Variants in SAE1 observed in about 807,000 individuals in gnomAD.
SAE1 encodes the protein SUMO1 activating enzyme subunit 1.
A neutral mutation model predicts 40.6 loss-of-function variants in SAE1; 11 were observed. The observed-to-expected ratio is 0.27, with a 90% CI of 0.17 to 0.45. SAE1 has a LOEUF of 0.45. Ranked by LOEUF, SAE1 falls within the 20% of genes least tolerant of loss-of-function variation. SAE1 has a pLI of 1.00. For missense variants in SAE1, 373 were observed against 427.3 expected (o/e 0.87, Z 1.12); for synonymous variants, 155 against 154.3 (o/e 1.00, Z -0.03).
At chr19:47,180,362 G>A (rs1395081713) in intron 6 of SAE1, 3 of 411,568 alleles carry the variant, frequency 7.3e-6, no homozygotes, top group African/African-American at 4.2e-5. Flanking sequence ...GAATGATAGG[G>A]GCATGTCAAA....
rs373880137 is a variant in SAE1, at chr19:47,147,319, A to G, written c.211-2883A>G. On this transcript the variant is annotated intron_variant, in intron 2 of 8. Transcript: ENST00000270225. ...CTTCCTGGGCTCAGGGTATTCTCCC[A>G]CTTAAGCCTCCCAGTAGTTGGGACT... Among the ~76,000 whole-genome samples the G allele has an allele frequency of 7.6e-4, 105 of 138,686 alleles. 2 individuals carry two copies. The highest frequency in any genetic ancestry group is 2.6e-3 in the African/African-American group (98 of 37,204). The allele number at this position is 138,686 out of a possible 152,430, so 91.0% of individuals were successfully genotyped here.
intron 5 of SAE1, among the ~76,000 whole-genome samples, chr19:47,157,832 A>T (rs1239732769): frequency 2.0e-5 from 3 of 152,164 alleles, no homozygotes; most frequent in Non-Finnish European, 4.4e-5. Context: ...CATTCAGTGC[A>T]TTCCTGCTGA....
chr19:47,194,049 C>T (rs533670292), intron 6 of SAE1, among the ~76,000 whole-genome samples: 2 of 152,112 alleles, frequency 1.3e-5, no homozygotes, highest in East Asian at 3.9e-4. Flanking sequence ...ACTTTATAAC[C>T]CATTTCTGAA....
At chr19:47,149,389 T>C (rs889937726) in intron 2 of SAE1, among the ~76,000 whole-genome samples, 3 of 151,710 alleles carry the variant, frequency 2.0e-5, no homozygotes, top group African/African-American at 7.3e-5. Context: ...CAGGTTGGTC[T>C]CAAACTCCTG....
At chr19:47,183,400 C>T (rs1372726362) in intron 6 of SAE1, among the ~76,000 whole-genome samples, 2 of 152,160 alleles carry the variant, frequency 1.3e-5, no homozygotes, top group Non-Finnish European at 2.9e-5. Context: ...CTGTCATCCC[C>T]AGGGCCTTGT....
chr19:47,206,046 A>C (rs557181681), intron 8 of SAE1, among the ~76,000 whole-genome samples: 1 of 152,122 alleles, frequency 6.6e-6, no homozygotes, highest in African/African-American at 2.4e-5. Context: ...TAAATTTTTC[A>C]TGTGGGATGG....
At chr19:47,205,876 C>G (rs1481554744) in intron 8 of SAE1, among the ~76,000 whole-genome samples, 2 of 152,192 alleles carry the variant, frequency 1.3e-5, no homozygotes, top group Non-Finnish European at 2.9e-5. Context: ...GATGTGGGCC[C>G]AGGCAGTCTG....
At chr19:47,167,615 T>C (rs2123246831) in intron 5 of SAE1, among the ~76,000 whole-genome samples, 1 of 152,284 alleles carries the variant, frequency 6.6e-6, no homozygotes. Flanking sequence ...AACTGATAGA[T>C]CTTGGTTCAC....
chr19:47,153,766 C>T (rs1485464846), intron 4 of SAE1, among the ~76,000 whole-genome samples: 1 of 152,068 alleles, frequency 6.6e-6, no homozygotes, highest in African/African-American at 2.4e-5. Flanking sequence ...TTAGGATAAT[C>T]TAGTTCTTTG....
At chr19:47,171,788 A>G (rs1445925878) in intron 6 of SAE1, among the ~76,000 whole-genome samples, 1 of 144,032 alleles carries the variant, frequency 6.9e-6, no homozygotes, top group Admixed American at 6.9e-5. Flanking sequence ...ATTTTAGTAG[A>G]GACAGGGTTT....
At chr19:47,182,505 GCACGCGCGCGCGCACACCACTGCCTTAT>G (rs2058515511) in intron 6 of SAE1, among the ~76,000 whole-genome samples, 1 of 147,936 alleles carries the variant, frequency 6.8e-6, no homozygotes, top group Non-Finnish European at 1.5e-5. Flanking sequence ...GTGCGCGCAC[GCACGCGCGCGCGCACACCACTGCCTTAT>G]CAGTGGTAGA....
intron 5 of SAE1, among the ~76,000 whole-genome samples, chr19:47,156,663 T>C (rs1462055333): frequency 6.6e-6 from 1 of 151,974 alleles, no homozygotes; most frequent in African/African-American, 2.4e-5. Context: ...GGACTACAGG[T>C]GTGTGCCACC....
chr19:47,175,368 C>A (rs1237998716), intron 6 of SAE1, among the ~76,000 whole-genome samples: 1 of 152,050 alleles, frequency 6.6e-6, no homozygotes, highest in Non-Finnish European at 1.5e-5. Context: ...AAGTCATATC[C>A]GTGGTTTTAT....
At chr19:47,188,166 T>C (rs766655300) in intron 6 of SAE1, among the ~76,000 whole-genome samples, 10 of 151,852 alleles carry the variant, frequency 6.6e-5, no homozygotes, top group Non-Finnish European at 1.2e-4. Context: ...CTGGGCAACA[T>C]GGTGAGACCT....
intron 1 of SAE1, among the ~76,000 whole-genome samples, chr19:47,137,716 TGTGTGTGTGTGTTG>T (rs2058189913): frequency 2.7e-5 from 4 of 147,696 alleles, no homozygotes; most frequent in African/African-American, 1.0e-4. Flanking sequence ...TGTGTGTGTG[TGTGTGTGTGTGTTG>T]TTTTTTTTTT....
At position 47,176,334 on chromosome 19, in the gene SAE1, A is replaced by G. The variant is rs543452657; in HGVS notation, c.733+6411A>G. On this transcript the variant is annotated intron_variant, in intron 6 of 8. Coordinates refer to ENST00000270225, the MANE Select transcript of SAE1 (RefSeq NM_005500.3). ...TGTTTCCAAAATTGTTTCTAGGAACATGACTAATGTGACTGACGATGCCTT... is the reference window on the plus strand; with the variant it reads ...TGTTTCCAAAATTGTTTCTAGGAACGTGACTAATGTGACTGACGATGCCTT... Among the ~76,000 whole-genome samples, 5 of 152,356 alleles carry G rather than the reference A, an allele frequency of 3.3e-5. No homozygotes were observed. In the East Asian group the frequency reaches 9.6e-4, roughly 29 times the overall value.
chr19:47,131,918 C>A (rs911530061), intron 1 of SAE1, among the ~76,000 whole-genome samples: 1 of 151,752 alleles, frequency 6.6e-6, no homozygotes, highest in African/African-American at 2.4e-5. Context: ...CGAGACTGGT[C>A]TCGATCTCCT....
At chr19:47,172,114 T>C (rs553270607) in intron 6 of SAE1, among the ~76,000 whole-genome samples, 1 of 152,198 alleles carries the variant, frequency 6.6e-6, no homozygotes, top group African/African-American at 2.4e-5. Context: ...AAACGGGGTT[T>C]CACCATGTTG....
At chr19:47,165,550 C>T (rs1351377576) in intron 5 of SAE1, among the ~76,000 whole-genome samples, 1 of 152,150 alleles carries the variant, frequency 6.6e-6, no homozygotes, top group Non-Finnish European at 1.5e-5. Flanking sequence ...TTCAGGGGTT[C>T]ATTCCAGTGG....
Sources: allele counts gnomAD v4.1 joint callset (sites outside exome capture counted in the v4.1 genomes callset), GRCh38; gene constraint gnomAD v4.1.1; transcripts MANE v1.5; gene names NCBI Gene and HGNC (gene_info 2026-07-23, HGNC 2026-07-21).